The following CEP192 variants were observed in gnomAD, a reference collection of about 807,000 sequenced individuals.
The protein encoded by CEP192 is centrosomal protein 192.
CEP192 carries 151 observed loss-of-function variants against 271.8 expected under a neutral mutation model. The observed-to-expected ratio is 0.56, with a 90% CI of 0.49 to 0.64. The LOEUF (loss-of-function observed/expected upper bound fraction) is 0.64. Ranked by LOEUF, CEP192 falls within the 30% of genes least tolerant of loss-of-function variation. The pLI is 0.00. For missense variants in CEP192, 2,910 were observed against 3,020.5 expected (o/e 0.96, Z 0.86); for synonymous variants, 995 against 1,076.5 (o/e 0.92, Z 1.48).
Position 13,095,598 on chromosome 18 carries a change from C to A in CEP192, c.6350C>A (p.Ala2117Asp). ...PQGSPLLSRA[A>D]RPPLDQLASE... ...GGTTCTCCTCTTCTCTCACGGGCGG[C>A]TCGCCCGCCTCTGGATCAGCTGGCC... Residue 2117 changes from alanine (A) to aspartate (D), a missense_variant, in exon 35 of 45, where the codon GCT becomes GAT. By Grantham distance (126) the Ala-to-Asp change is moderately radical. Transcript: ENST00000506447. 1 of 1,614,118 alleles carries A rather than the reference C, an allele frequency of 6.2e-7. No individual in the cohort carries two copies. The highest frequency in any genetic ancestry group is 8.5e-7 in the Non-Finnish European group (1 of 1,179,940).
At chr18:13,076,366 A>C (rs1341184852) in intron 30 of CEP192, among the ~76,000 whole-genome samples, 1 of 151,888 alleles carries the variant, frequency 6.6e-6, no homozygotes, top group Non-Finnish European at 1.5e-5. Flanking sequence ...CTGGGACTAC[A>C]GGCGCGTGCC....
At chr18:13,031,044 C>T (rs1163372361) in intron 11 of CEP192, among the ~76,000 whole-genome samples, 4 of 152,052 alleles carry the variant, frequency 2.6e-5, no homozygotes, top group African/African-American at 7.2e-5. Flanking sequence ...GGGATAAAAG[C>T]GTGAAAAGAA....
chr18:13,062,145 C>T (rs2037442303), intron 21 of CEP192, among the ~76,000 whole-genome samples: 1 of 152,158 alleles, frequency 6.6e-6, no homozygotes, highest in Admixed American at 6.5e-5. Flanking sequence ...ATGTCTGTGT[C>T]TGAGCTTTGA....
chr18:13,113,994 C>A, intron 41 of CEP192, 136 bp from the exon 42 acceptor site: 2 of 1,007,132 alleles, frequency 2.0e-6, no homozygotes, highest in Non-Finnish European at 2.9e-6. Context: ...ACAGAGCTTG[C>A]AATTTAGGGG....
intron 1 of CEP192, among the ~76,000 whole-genome samples, chr18:12,997,384 A>G (rs1462910679): frequency 6.6e-6 from 1 of 152,222 alleles, no homozygotes; most frequent in Non-Finnish European, 1.5e-5. Flanking sequence ...GAATCTGTGC[A>G]GGAGGAAGCA....
intron 32 of CEP192, among the ~76,000 whole-genome samples, chr18:13,088,082 A>G (rs72875863): frequency 0.079 from 12,100 of 152,274 alleles, 567 homozygotes; most frequent in South Asian, 0.18. Context: ...GAAAGGATCA[A>G]GTTGAATTTT....
chr18:13,053,597 G>T (rs1472460196), intron 18 of CEP192, among the ~76,000 whole-genome samples: 1 of 152,224 alleles, frequency 6.6e-6, no homozygotes, highest in East Asian at 1.9e-4. Context: ...GAGGCTAGAA[G>T]AGGGGGGACC....
chr18:13,033,911 A>T (rs2035770290), intron 11 of CEP192, among the ~76,000 whole-genome samples: 1 of 152,238 alleles, frequency 6.6e-6, no homozygotes, highest in Admixed American at 6.5e-5. Context: ...TGACTACAGG[A>T]ATGTCTAGTT....
intron 13 of CEP192, among the ~76,000 whole-genome samples, chr18:13,039,901 A>T (rs2036114589): frequency 6.6e-6 from 1 of 152,224 alleles, no homozygotes; most frequent in Non-Finnish European, 1.5e-5. Context: ...GACCTAGTAG[A>T]AGCAGAGAAA....
At chr18:13,107,166 C>G (rs772303801) in intron 40 of CEP192, among the ~76,000 whole-genome samples, 2 of 151,978 alleles carry the variant, frequency 1.3e-5, no homozygotes, top group African/African-American at 2.4e-5. Flanking sequence ...AGCATTTTGC[C>G]AAAGGTCATA....
intron 40 of CEP192, among the ~76,000 whole-genome samples, chr18:13,106,257 G>A (rs183286419): frequency 1.2e-3 from 179 of 151,454 alleles, no homozygotes; most frequent in African/African-American, 4.1e-3. Context: ...TACCATCACC[G>A]TCTCCCACAC....
At chr18:13,046,906 C>G (rs1410364737) in intron 15 of CEP192, among the ~76,000 whole-genome samples, 2 of 150,822 alleles carry the variant, frequency 1.3e-5, no homozygotes, top group Non-Finnish European at 2.9e-5. Context: ...CTTTATCTCC[C>G]TGTTACTCTT....
intron 7 of CEP192, 115 bp from the exon 8 acceptor site, chr18:13,018,365 T>G (rs2034783337): frequency 1.7e-6 from 1 of 601,896 alleles, no homozygotes; most frequent in East Asian, 3.1e-5. Context: ...ATGGCGATTT[T>G]TCTAATTCCT....
intron 30 of CEP192, among the ~76,000 whole-genome samples, chr18:13,076,022 C>T (rs1222075789): frequency 6.6e-6 from 1 of 152,132 alleles, no homozygotes; most frequent in East Asian, 1.9e-4. Context: ...TTTCGTTTGT[C>T]ATAACTGGGG....
At chr18:13,106,744 C>T (rs1006844753) in intron 40 of CEP192, among the ~76,000 whole-genome samples, 3 of 152,038 alleles carry the variant, frequency 2.0e-5, no homozygotes, top group Middle Eastern at 3.4e-3. Context: ...ACACCCCACA[C>T]AGCTACCACC....
intron 5 of CEP192, 70 bp from the exon 6 acceptor site, chr18:13,015,258 T>C: frequency 7.0e-7 from 1 of 1,425,188 alleles, no homozygotes. Flanking sequence ...TTGGTCCTTT[T>C]TGTAGCCTTG....
In CEP192 at chr18:13,073,134, A is replaced by G; in HGVS notation, c.5565A>G (p.Arg1855=). Residue 1855 remains arginine, a synonymous_variant, in exon 30 of 45, where the codon AGA becomes AGG. Transcript: ENST00000506447. ...APTRLSCMLA[R]LEIKQLGNRS... is the part of the protein sequence containing the mutation. Reference sequence around the variant, plus strand: ...CTCGATTATCTTGCATGTTGGCTAGACTAGAAATCAAACAACTTGGAAATC... The same window carrying G: ...CTCGATTATCTTGCATGTTGGCTAGGCTAGAAATCAAACAACTTGGAAATC... The G allele has an allele frequency of 6.2e-7, 1 of 1,612,962 alleles. No individual in the cohort carries two copies. Among genetic ancestry groups the G allele is most frequent in the Non-Finnish European group, 8.5e-7 (1 of 1,179,738 alleles).
At chr18:13,083,377 C>T (rs530866423) in intron 30 of CEP192, among the ~76,000 whole-genome samples, 1 of 152,356 alleles carries the variant, frequency 6.6e-6, no homozygotes, top group African/African-American at 2.4e-5. Context: ...TCTTCAATCA[C>T]TGATATCCTT....
In CEP192 at chr18:13,099,354, T is replaced by C. The variant is rs1015350608; in HGVS notation, c.6558-122T>C. 25 of 596,724 alleles carry C rather than the reference T, an allele frequency of 4.2e-5. 1 individual carries two copies. Among genetic ancestry groups the C allele is most frequent in the Non-Finnish European group, 6.7e-5 (23 of 345,656 alleles). The allele number at this position is 596,724 out of a possible 1,614,324, so 37.0% of individuals were successfully genotyped here. A position where few individuals can be genotyped will look rare whatever the true frequency, so the allele number is the denominator to read the frequency against. On this transcript the variant is annotated intron_variant, in intron 36 of 44. Coordinates refer to ENST00000506447, the MANE Select transcript of CEP192 (RefSeq NM_032142.4). ...GGAGCCGCATGGGAGTGAGCTCTGT[T>C]CTCTGCTCTTCCTGAGCAGTGAGGA...
Sources: allele counts gnomAD v4.1 joint callset (sites outside exome capture counted in the v4.1 genomes callset), GRCh38; gene constraint gnomAD v4.1.1; transcripts MANE v1.5; gene names NCBI Gene and HGNC (gene_info 2026-07-23, HGNC 2026-07-21).